Variants in SPP2 observed in about 807,000 individuals in gnomAD.
SPP2 encodes secreted phosphoprotein 2, also known as secreted phosphoprotein 24.
SPP2 carries 34 observed loss-of-function variants against 28.8 expected under a neutral mutation model. The ratio of observed to expected loss-of-function variants is 1.18; its 90% CI spans 0.90 to 1.57. SPP2 has a LOEUF of 1.57. SPP2 is among the 40% of genes most tolerant of loss of function. The probability of loss-of-function intolerance (pLI) is 0.00; values close to 1 mark genes in which losing one functional copy is unlikely to be tolerated. For synonymous variants in SPP2, 96 were observed against 89.4 expected, an observed-to-expected ratio of 1.07 and a Z score of -0.42; for missense variants, 269 against 263.9, an observed-to-expected ratio of 1.02 and a Z score of -0.13.
chr2:234,055,982 G>A (rs1199050761), intron 2 of SPP2: 1 of 151,986 alleles, frequency 6.6e-6, no homozygotes, highest in Non-Finnish European at 1.5e-5. Flanking sequence ...CATGTGCTAT[G>A]TTGGTGTGCT....
At chr2:234,075,183 C>A (rs996897195) in intron 7 of SPP2, among the ~76,000 whole-genome samples, 3 of 152,070 alleles carry the variant, frequency 2.0e-5, no homozygotes, top group African/African-American at 7.2e-5. Context: ...TGAGAAAGAA[C>A]CATGAGTACT....
chr2:234,069,943 T>C lies in SPP2; in HGVS notation c.566T>C (p.Val189Ala), dbSNP rs1317007899. ...YDRSLGIMRR[V>A]LPPGNRRYPN... ...CTATCTTTAGGGATCATGAGAAGGG[T>C]ATTGCCTCCTGGAAACAGAAGGTAC... The change falls in exon 7 of 8, where the codon GTA becomes GCA. Residue 189 changes from valine to alanine, a missense_variant. Coordinates refer to ENST00000168148, the MANE Select transcript of SPP2 (RefSeq NM_006944.3). 1 of 1,613,080 alleles carries C rather than the reference T, an allele frequency of 6.2e-7. No homozygotes were observed. Among genetic ancestry groups the C allele is most frequent in the Admixed American group, 1.7e-5 (1 of 59,978 alleles).
chr2:234,066,057 C>A (rs531352534), intron 4 of SPP2, among the ~76,000 whole-genome samples: 2 of 152,314 alleles, frequency 1.3e-5, no homozygotes, highest in Admixed American at 6.5e-5. Context: ...GGACAGCCTA[C>A]CAAGACTCTT....
rs571681508 is a variant in SPP2 at position 234,055,037 on chromosome 2, T to G, written c.211-3799T>G. ...TTTTTGTCCATTAATAAGGGATTCA[T>G]TTGAAAAACCTAAGTGACCATTGAT... On this transcript the variant is annotated intron_variant, in intron 2 of 7. Coordinates refer to ENST00000168148, the MANE Select transcript of SPP2 (RefSeq NM_006944.3). 1.4e-4 allele frequency among the ~76,000 whole-genome samples: 21 copies of G among 152,330 alleles called. No homozygotes were observed. In the South Asian group the frequency reaches 3.9e-3, roughly 29 times the overall value.
At chr2:234,050,926 C>T (rs376974993) in intron 1 of SPP2, 45 bp from the exon 2 acceptor site, 80 of 1,613,810 alleles carry the variant, frequency 5.0e-5, no homozygotes, top group Non-Finnish European at 5.7e-5. Context: ...GCCATGCTGG[C>T]GCCTGTGTCT....
At chr2:234,064,233 C>T (rs768682384) in intron 4 of SPP2, among the ~76,000 whole-genome samples, 7 of 82,562 alleles carry the variant, frequency 8.5e-5, no homozygotes, top group Non-Finnish European at 1.6e-4. Context: ...CCTCCATCTT[C>T]TCCTCCTTCC....
At position 234,060,785 on chromosome 2, in the gene SPP2, G is replaced by A. The variant is rs28904002; in HGVS notation, c.444+306G>A. On this transcript the variant is annotated intron_variant, in intron 4 of 7. Transcript: ENST00000168148. ...CATGCACACACGCACACATACACAC[G>A]CACACACACTTGATTTCCCTGGGAT... Among the ~76,000 whole-genome samples the A allele has an allele frequency of 2.1e-4, 32 of 150,874 alleles. No homozygotes were observed. In the South Asian group the frequency reaches 5.5e-3, roughly 26 times the overall value.
chr2:234,075,451 A>G (rs1690876872), intron 7 of SPP2, among the ~76,000 whole-genome samples: 1 of 151,914 alleles, frequency 6.6e-6, no homozygotes, highest in Non-Finnish European at 1.5e-5. Context: ...CTGCTGTCCT[A>G]TCCCCATGTC....
At chr2:234,072,990 C>T (rs4663352) in intron 7 of SPP2, among the ~76,000 whole-genome samples, 14,468 of 152,212 alleles carry the variant, frequency 0.095, 1,048 homozygotes, top group East Asian at 0.28. Context: ...CAGGTTCAAG[C>T]GATTCTCCTG....
chr2:234,055,820 A>G (rs1037033486), intron 2 of SPP2, among the ~76,000 whole-genome samples: 31 of 151,764 alleles, frequency 2.0e-4, no homozygotes, highest in African/African-American at 7.0e-4. Flanking sequence ...TGTTTCAGCA[A>G]TAATGCTGGG....
In SPP2 at chr2:234,051,097, T is replaced by C. The variant is rs779648916; in HGVS notation, c.210+2T>C. On this transcript the variant is annotated splice_donor_variant, in intron 2 of 7. Transcript: ENST00000168148. LOFTEE classifies it high-confidence loss of function. ...GCATTCAGAAGCTCATTAAAAAGAG[T>C]AAGTGCAAAATGAAATCTTCTCTAC... The C allele has an allele frequency of 1.9e-6, 3 of 1,613,018 alleles. No homozygotes were observed. The highest frequency in any genetic ancestry group is 2.5e-6 in the Non-Finnish European group (3 of 1,179,222).
chr2:234,072,335 C>A (rs934682728), intron 7 of SPP2, among the ~76,000 whole-genome samples: 1 of 152,050 alleles, frequency 6.6e-6, no homozygotes, highest in Admixed American at 6.5e-5. Context: ...GATCAAGAAT[C>A]TACTCATTAT....
chr2:234,062,677 A>C (rs1181711550), intron 4 of SPP2, among the ~76,000 whole-genome samples: 1 of 152,202 alleles, frequency 6.6e-6, no homozygotes, highest in Non-Finnish European at 1.5e-5. Flanking sequence ...GAGAATGCTA[A>C]CTGGGTCTAG....
intron 4 of SPP2, among the ~76,000 whole-genome samples, chr2:234,063,902 G>C (rs924702399): frequency 2.0e-5 from 3 of 152,150 alleles, no homozygotes; most frequent in Admixed American, 2.0e-4. Flanking sequence ...CTGAGCTTAC[G>C]GGAGGGGTGA....
At chr2:234,051,883 A>G (rs1693505437) in intron 2 of SPP2, among the ~76,000 whole-genome samples, 1 of 152,178 alleles carries the variant, frequency 6.6e-6, no homozygotes, top group African/African-American at 2.4e-5. Flanking sequence ...CAGAGGCCAG[A>G]TGGACATTGC....
At chr2:234,076,187 G>A (rs250971) in intron 7 of SPP2, among the ~76,000 whole-genome samples, 51,062 of 151,894 alleles carry the variant, frequency 0.34, 9,620 homozygotes, top group Non-Finnish European at 0.42. Flanking sequence ...CCACACACCC[G>A]ACAGTGTGCG....
At chr2:234,074,924 A>C (rs1321125814) in intron 7 of SPP2, among the ~76,000 whole-genome samples, 2 of 150,936 alleles carry the variant, frequency 1.3e-5, no homozygotes, top group East Asian at 3.9e-4. Flanking sequence ...GCCTTTTTGC[A>C]CTTAGAAACA....
chr2:234,052,850 T>A (rs1426596406), intron 2 of SPP2, among the ~76,000 whole-genome samples: 1 of 152,160 alleles, frequency 6.6e-6, no homozygotes, highest in African/African-American at 2.4e-5. Context: ...CCTGGTGATA[T>A]TTTTTTCTAT....
intron 6 of SPP2, among the ~76,000 whole-genome samples, chr2:234,068,568 AT>A (rs567932851): frequency 1.3e-4 from 19 of 151,112 alleles, no homozygotes; most frequent in African/African-American, 3.9e-4. Flanking sequence ...CTGATGCTTG[AT>A]TTTTTTTTAA....
Sources: gnomAD v4.1 joint callset for allele counts (sites outside exome capture counted in the v4.1 genomes callset) on GRCh38, gnomAD v4.1.1 for gene constraint, MANE v1.5 for transcripts, NCBI Gene and HGNC (gene_info 2026-07-23, HGNC 2026-07-21) for gene names.